The following KLHL13 variants were observed in gnomAD, a reference collection of about 807,000 sequenced individuals.
KLHL13 encodes the protein kelch-like protein 13.
Under a neutral mutation model 37.1 loss-of-function variants are expected in KLHL13, and 10 were observed. That is an observed-to-expected ratio of 0.27 (90% CI 0.17 to 0.46). The LOEUF (loss-of-function observed/expected upper bound fraction) is 0.46. KLHL13 is among the 20% of genes least tolerant of loss of function. KLHL13 has a pLI of 1.00. For missense variants in KLHL13, 360 were observed against 509.3 expected, an observed-to-expected ratio of 0.71 and a Z score of 2.82; for synonymous variants, 163 against 181.2, an observed-to-expected ratio of 0.90 and a Z score of 0.81.
intron 2 of KLHL13, among the ~76,000 whole-genome samples, chrX:117,924,696 T>C (rs915469048): frequency 9.0e-6 from 1 of 111,201 alleles, no homozygotes; most frequent in African/African-American, 3.3e-5. Context: ...TCAACACTTA[T>C]CTTAGTTCTC....
In KLHL13 at chrX:118,060,030, T is replaced by C. The variant is rs6646056; in HGVS notation, c.-56+56478A>G. Among the ~76,000 whole-genome samples, 783 of 111,651 alleles carry C rather than the reference T, an allele frequency of 7.0e-3. 6 individuals are homozygous for C. The highest frequency in any genetic ancestry group is 0.022 in the African/African-American group (692 of 30,778). ...AAAGAATCAGGCACTGTGCAGAACATTAGGAATATAAATATGAACGAGGAA... is the reference window on the plus strand; with the variant it reads ...AAAGAATCAGGCACTGTGCAGAACACTAGGAATATAAATATGAACGAGGAA... On this transcript the variant is annotated intron_variant, in intron 1 of 6. Coordinates refer to the KLHL13 transcript ENST00000371882.
chrX:118,027,456 C>T (rs759017542), intron 1 of KLHL13, among the ~76,000 whole-genome samples: 12 of 111,150 alleles, frequency 1.1e-4, no homozygotes, highest in African/African-American at 2.9e-4. Flanking sequence ...TGGCTGGTAT[C>T]AACACTTAAA....
intron 1 of KLHL13, among the ~76,000 whole-genome samples, chrX:117,954,807 A>C (rs1312338649): frequency 8.9e-6 from 1 of 112,118 alleles, no homozygotes; most frequent in Non-Finnish European, 1.9e-5. Context: ...TTCGCCCTAC[A>C]GCTAGCACCC....
In KLHL13 at chrX:118,095,482, C is replaced by G. The variant is rs1602720076; in HGVS notation, c.-56+21026G>C. 6.3e-5 allele frequency among the ~76,000 whole-genome samples: 7 copies of G among 111,008 alleles called. No homozygotes were observed. The South Asian group carries it at 2.7e-3, about 42-fold the overall frequency. Reference sequence around the variant, plus strand: ...CCACTGTCAACATTAGACAGATTAACGAGACAGAAAGTTAACAAGGATATC... The same window carrying G: ...CCACTGTCAACATTAGACAGATTAAGGAGACAGAAAGTTAACAAGGATATC... On this transcript the variant is annotated intron_variant, in intron 1 of 6. Coordinates refer to the KLHL13 transcript ENST00000371882.
intron 1 of KLHL13, among the ~76,000 whole-genome samples, chrX:118,061,797 C>T (rs1225069610): frequency 9.0e-6 from 1 of 111,222 alleles, no homozygotes; most frequent in Non-Finnish European, 1.9e-5. Flanking sequence ...ATAAAAATTA[C>T]TGAAGTTGAA....
At position 117,913,567 on chromosome X, in the gene KLHL13, C is replaced by T. The variant is rs188530744; in HGVS notation, c.571-3471G>A. Among the ~76,000 whole-genome samples the T allele has an allele frequency of 8.4e-3, 945 of 112,029 alleles. 7 individuals carry two copies. Among genetic ancestry groups the T allele is most frequent in the African/African-American group, 0.029 (908 of 30,883 alleles). The stretch of plus-strand genomic sequence containing the variant: ...TGGCATTTAAAAAGAACAACAAGGC[C>T]GGGGGCGGTGGCTCACGCCTGTAAT... On this transcript the variant is annotated intron_variant, in intron 4 of 6. Coordinates refer to ENST00000262820, the Ensembl canonical transcript of KLHL13.
At chrX:117,927,783 T>A (rs970795738) in intron 2 of KLHL13, among the ~76,000 whole-genome samples, 2 of 111,563 alleles carry the variant, frequency 1.8e-5, no homozygotes, top group Admixed American at 9.5e-5. Context: ...AAGACAAAAA[T>A]AAAGCGACAG....
chrX:117,914,075 C>T (rs1931180060), intron 4 of KLHL13, among the ~76,000 whole-genome samples: 1 of 110,704 alleles, frequency 9.0e-6, no homozygotes, highest in African/African-American at 3.3e-5. Flanking sequence ...CTCACTGCTG[C>T]TGTACTATTC....
At chrX:117,965,494 A>ATTCT (rs2053405900) in intron 1 of KLHL13, among the ~76,000 whole-genome samples, 1 of 111,702 alleles carries the variant, frequency 9.0e-6, no homozygotes, top group African/African-American at 3.3e-5. Context: ...AGCTGGTACC[A>ATTCT]TTCTTTCTGA....
chrX:118,052,827 A>T (rs759116812), intron 1 of KLHL13, among the ~76,000 whole-genome samples: 1 of 107,384 alleles, frequency 9.3e-6, no homozygotes, highest in South Asian at 3.9e-4. Context: ...ACGCCATCTC[A>T]AGAAAAAAAA....
At chrX:118,088,715 C>T (rs755602486) in intron 1 of KLHL13, among the ~76,000 whole-genome samples, 2 of 111,938 alleles carry the variant, frequency 1.8e-5, no homozygotes, top group East Asian at 5.6e-4. Flanking sequence ...ACGAAAAAGT[C>T]AGCAAGGCCA....
At chrX:117,976,881 G>A (rs2053603007), upstream of KLHL13, among the ~76,000 whole-genome samples, 1 of 112,197 alleles carries the variant, frequency 8.9e-6, no homozygotes. Flanking sequence ...AATGTAAAAG[G>A]AGAAGATTTG....
chrX:118,077,180 G>T (rs1312306969), intron 1 of KLHL13, among the ~76,000 whole-genome samples: 1 of 111,547 alleles, frequency 9.0e-6, no homozygotes, highest in African/African-American at 3.3e-5. Flanking sequence ...CTGGTGTGGT[G>T]GGTCTCCAAT....
chrX:117,934,885 G>A (rs1932698437), intron 2 of KLHL13, among the ~76,000 whole-genome samples: 1 of 109,556 alleles, frequency 9.1e-6, no homozygotes. Flanking sequence ...AAAAAAAAAA[G>A]ATATTCAACA....
rs145421646 is a variant in KLHL13 at position 118,105,580 on chromosome X, T to A, written c.-56+10928A>T. On this transcript the variant is annotated intron_variant, in intron 1 of 6. Coordinates refer to the KLHL13 transcript ENST00000371882. ...AATGATTTATTAGTCACTGGCTGCT[T>A]GGTAATAATATTAGTATTGGCCGAT... Among the ~76,000 whole-genome samples the A allele has an allele frequency of 8.4e-4, 95 of 112,886 alleles. 1 individual carries two copies. The East Asian group carries it at 0.023, about 27-fold the overall frequency.
intron 1 of KLHL13, among the ~76,000 whole-genome samples, chrX:117,951,760 A>G (rs1386860506): frequency 8.9e-6 from 1 of 112,474 alleles, no homozygotes; most frequent in Non-Finnish European, 1.9e-5. Flanking sequence ...AAGATCATTT[A>G]CCCAGCACCT....
intron 1 of KLHL13, among the ~76,000 whole-genome samples, chrX:118,027,682 T>A (rs377162760): frequency 2.7e-5 from 3 of 109,205 alleles, no homozygotes; most frequent in Non-Finnish European, 5.7e-5. Flanking sequence ...CTTTCATACA[T>A]GCCCCACCTT....
chrX:118,013,417 A>C (rs2054091815), intron 1 of KLHL13, among the ~76,000 whole-genome samples: 1 of 112,340 alleles, frequency 8.9e-6, no homozygotes. Flanking sequence ...TCTTCCTTTG[A>C]GAATGAACAG....
At chrX:117,939,309 T>C (rs1932911630) in intron 2 of KLHL13, among the ~76,000 whole-genome samples, 1 of 112,455 alleles carries the variant, frequency 8.9e-6, no homozygotes, top group South Asian at 3.7e-4. Context: ...ATGGTGTGTA[T>C]GTGCCACATT....
Sources: allele counts gnomAD v4.1 joint callset (sites outside exome capture counted in the v4.1 genomes callset), GRCh38; gene constraint gnomAD v4.1.1; transcripts MANE v1.5; gene names NCBI Gene and HGNC (gene_info 2026-07-23, HGNC 2026-07-21).